Variants in ERC1 observed in about 807,000 individuals in gnomAD.
ERC1 encodes the protein RAB6 interacting protein 2.
In ERC1, 56 loss-of-function variants were observed where a neutral mutation model predicts 132.0. That is an observed-to-expected ratio of 0.42 (90% CI 0.34 to 0.53). The LOEUF (loss-of-function observed/expected upper bound fraction) is 0.53. Ranked by LOEUF, ERC1 falls within the 20% of genes least tolerant of loss-of-function variation. ERC1 has a pLI of 0.03. For synonymous variants in ERC1, 478 were observed against 476.1 expected, an observed-to-expected ratio of 1.00 and a Z score of -0.05; for missense variants, 1,202 against 1,349.9, an observed-to-expected ratio of 0.89 and a Z score of 1.72.
chr12:1,342,475 A>AAC (rs1161321540), intron 15 of ERC1, among the ~76,000 whole-genome samples: 1 of 151,682 alleles, frequency 6.6e-6, no homozygotes. Context: ...TCTCAAAAAA[A>AAC]AAAAAAACAA....
chr12:1,246,341 A>G (rs188595246), intron 13 of ERC1, among the ~76,000 whole-genome samples: 78 of 152,342 alleles, frequency 5.1e-4, no homozygotes, highest in African/African-American at 1.8e-3. Context: ...AAAGAAAAAA[A>G]AAAGATAGTA....
At chr12:1,052,696 G>A (rs983160366) in intron 2 of ERC1, among the ~76,000 whole-genome samples, 6 of 152,122 alleles carry the variant, frequency 3.9e-5, no homozygotes, top group East Asian at 3.9e-4. Context: ...TCGGACAGGC[G>A]CGGTGGCTCA....
intron 16 of ERC1, among the ~76,000 whole-genome samples, chr12:1,373,737 G>A (rs758261962): frequency 4.3e-4 from 65 of 152,122 alleles, no homozygotes; most frequent in Non-Finnish European, 7.4e-4. Flanking sequence ...CTGAGATCAC[G>A]CCACAGCACT....
At chr12:1,394,030 AAAACAAAAAAAAAACCAC>A (rs2090248856) in intron 16 of ERC1, among the ~76,000 whole-genome samples, 3 of 119,722 alleles carry the variant, frequency 2.5e-5, no homozygotes, top group Admixed American at 7.9e-5. Flanking sequence ...AAAAAAAAAA[AAAACAAAAAAAAAACCAC>A]AAAGCATTAA....
At chr12:1,283,350 T>G (rs1223672023) in intron 14 of ERC1, among the ~76,000 whole-genome samples, 1 of 152,204 alleles carries the variant, frequency 6.6e-6, no homozygotes, top group Non-Finnish European at 1.5e-5. Flanking sequence ...CTTCATTGTT[T>G]AGTATAGGAT....
chr12:1,284,944 G>A (rs2078946372), intron 14 of ERC1, among the ~76,000 whole-genome samples: 2 of 152,124 alleles, frequency 1.3e-5, no homozygotes, highest in Admixed American at 1.3e-4. Flanking sequence ...TGTGGTTTTG[G>A]TTTGCGTTTC....
intron 1 of ERC1, among the ~76,000 whole-genome samples, chr12:1,007,376 C>T (rs1281989267): frequency 6.6e-6 from 1 of 152,130 alleles, no homozygotes; most frequent in East Asian, 1.9e-4. Context: ...GACCTGTTCC[C>T]ACTAAAGCCT....
chr12:1,117,707 C>T (rs1946599885), intron 7 of ERC1, among the ~76,000 whole-genome samples: 1 of 152,200 alleles, frequency 6.6e-6, no homozygotes, highest in African/African-American at 2.4e-5. Context: ...GTGTCTGGCA[C>T]ATAGTAAAGT....
rs184239034 is a variant in ERC1 at position 1,115,282 on chromosome 12, T to C, written c.1402-584T>C. On this transcript the variant is annotated intron_variant, in intron 6 of 18. Transcript: ENST00000360905. ...AATCAATACACATAACATCAAATTATAGGATTTTACAAAACCATGTTATGT... is the reference window on the plus strand; with the variant it reads ...AATCAATACACATAACATCAAATTACAGGATTTTACAAAACCATGTTATGT... 1.5e-3 allele frequency among the ~76,000 whole-genome samples: 235 copies of C among 152,314 alleles called. 1 individual carries two copies. The highest frequency in any genetic ancestry group is 2.4e-3 in the Non-Finnish European group (166 of 68,014).
At chr12:1,039,652 G>A (rs923288874) in intron 2 of ERC1, among the ~76,000 whole-genome samples, 7 of 152,228 alleles carry the variant, frequency 4.6e-5, no homozygotes. Context: ...GGATTAGAAA[G>A]TGGAACTAAA....
intron 2 of ERC1, among the ~76,000 whole-genome samples, chr12:1,070,290 C>CT (rs1248196357): frequency 4.7e-5 from 7 of 150,414 alleles, no homozygotes; most frequent in African/African-American, 1.7e-4. Context: ...TTTTTTCTTA[C>CT]TTTCTTTTTT....
At chr12:1,073,037 C>G (rs919192007) in intron 2 of ERC1, among the ~76,000 whole-genome samples, 1 of 152,024 alleles carries the variant, frequency 6.6e-6, no homozygotes, top group African/African-American at 2.4e-5. Flanking sequence ...TGCGGTGGCT[C>G]ATGCCTGTAA....
At chr12:1,004,973 C>G (rs7974253) in intron 1 of ERC1, among the ~76,000 whole-genome samples, 150,592 of 152,128 alleles carry the variant, frequency 0.99, 74,546 homozygotes, top group East Asian at 1. Context: ...TTAATGGTCC[C>G]AGAGACTCAT....
chr12:1,330,266 A>T (rs575057218), intron 15 of ERC1, among the ~76,000 whole-genome samples: 1 of 152,318 alleles, frequency 6.6e-6, no homozygotes, highest in Admixed American at 6.5e-5. Context: ...CGAGTGAGTG[A>T]TCCTTTCAGC....
chr12:1,093,203 C>G (rs867082755), intron 3 of ERC1, among the ~76,000 whole-genome samples: 67 of 152,254 alleles, frequency 4.4e-4, no homozygotes, highest in Middle Eastern at 6.8e-3. Flanking sequence ...AATTCTCCCC[C>G]CCAAAAGCCG....
intron 15 of ERC1, among the ~76,000 whole-genome samples, chr12:1,352,444 G>T (rs1455875738): frequency 1.3e-5 from 2 of 152,212 alleles, no homozygotes; most frequent in Non-Finnish European, 2.9e-5. Flanking sequence ...GAAAATTTAG[G>T]TTGGAGCCAA....
At chr12:1,210,553 A>G (rs1957766574) in intron 12 of ERC1, among the ~76,000 whole-genome samples, 1 of 152,200 alleles carries the variant, frequency 6.6e-6, no homozygotes, top group African/African-American at 2.4e-5. Context: ...AATGGGATTC[A>G]GAAACTTGAC....
At chr12:1,225,355 C>T (rs1340351578) in intron 12 of ERC1, among the ~76,000 whole-genome samples, 1 of 151,706 alleles carries the variant, frequency 6.6e-6, no homozygotes, top group Non-Finnish European at 1.5e-5. Context: ...GAGGCTGAGG[C>T]AGGAGGATCA....
At position 1,384,366 on chromosome 12, in the gene ERC1, A is replaced by G. The variant is rs201521057; in HGVS notation, c.2925+12389A>G. Among the ~76,000 whole-genome samples the G allele has an allele frequency of 3.9e-5, 6 of 152,318 alleles. No individual in the cohort carries two copies. The East Asian group carries it at 1.2e-3, about 29-fold the overall frequency. On this transcript the variant is annotated intron_variant, in intron 16 of 18. Coordinates refer to ENST00000360905, the MANE Select transcript of ERC1 (RefSeq NM_178040.4). Reference sequence around the variant, plus strand: ...GAGGAGAGGGTAAAATGATAAGCTGATTTTTAAGCAGCTAAGTTCGAAAAT... The same window carrying G: ...GAGGAGAGGGTAAAATGATAAGCTGGTTTTTAAGCAGCTAAGTTCGAAAAT...
Sources: gnomAD v4.1 joint callset for allele counts (sites outside exome capture counted in the v4.1 genomes callset) on GRCh38, gnomAD v4.1.1 for gene constraint, MANE v1.5 for transcripts, NCBI Gene and HGNC (gene_info 2026-07-23, HGNC 2026-07-21) for gene names.